ADGB: variants seen among roughly 807,000 people sequenced by gnomAD.
ADGB encodes androglobin.
A neutral mutation model predicts 210.5 loss-of-function variants in ADGB; 172 were observed. The observed-to-expected ratio is 0.82, with a 90% CI of 0.72 to 0.93. The LOEUF is 0.93. Among genes scored for constraint, ADGB ranks in the 40% least tolerant of loss-of-function variants. ADGB has a pLI of 0.00. For missense variants in ADGB, 2,025 were observed against 1,964.8 expected, an observed-to-expected ratio of 1.03 and a Z score of -0.58; for synonymous variants, 658 against 662.7, an observed-to-expected ratio of 0.99 and a Z score of 0.11.
rs538487742 is a variant in ADGB, at chr6:146,646,513, C to T, written c.330+1648C>T. On this transcript the variant is annotated intron_variant, in intron 3 of 35. Coordinates refer to ENST00000397944, the MANE Select transcript of ADGB (RefSeq NM_024694.4). ...TTTAAGTTTTATTGTGTTGAGCTAT[C>T]AGCTGTTTAGGCATCTGTGTGCCCA... is the stretch of plus-strand genomic sequence containing the variant. Among the ~76,000 whole-genome samples the T allele has an allele frequency of 7.9e-5, 12 of 152,192 alleles. No individual in the cohort carries two copies. In the South Asian group the frequency reaches 2.3e-3, roughly 29 times the overall value.
intron 35 of ADGB, among the ~76,000 whole-genome samples, chr6:146,809,022 G>T (rs1239336830): frequency 7.2e-6 from 1 of 138,032 alleles, no homozygotes; most frequent in Non-Finnish European, 1.5e-5. Flanking sequence ...GAAACAGGTG[G>T]TGAGAATGTG....
intron 29 of ADGB, among the ~76,000 whole-genome samples, chr6:146,772,308 C>T (rs1486011035): frequency 6.6e-6 from 1 of 151,276 alleles, no homozygotes; most frequent in African/African-American, 2.4e-5. Flanking sequence ...TAGTACAATG[C>T]TATTGACTAG....
At chr6:146,777,279 T>C (rs1238678105) in intron 29 of ADGB, among the ~76,000 whole-genome samples, 1 of 151,958 alleles carries the variant, frequency 6.6e-6, no homozygotes. Context: ...ATAACTTCTC[T>C]GAATATACCC....
chr6:146,599,081 T>C lies in ADGB; in HGVS notation c.41T>C (p.Ile14Thr). Reference sequence around the variant, plus strand: ...ACCAAAAAGAAAGAGGTGCATCGTATCAACTCGGCGCACGGATCGGATAAA... The same window carrying C: ...ACCAAAAAGAAAGAGGTGCATCGTACCAACTCGGCGCACGGATCGGATAAA... ...KQTKKKEVHR[I>T]NSAHGSDKSK... The change falls in exon 1 of 36, where the codon ATC becomes ACC. Residue 14 changes from isoleucine to threonine, a missense_variant. Physicochemically the swap from Ile to Thr is moderately conservative, Grantham distance 89. Transcript: ENST00000397944. The C allele has an allele frequency of 6.4e-7, 1 of 1,551,708 alleles. No homozygotes were observed.
chr6:146,675,519 G>A (rs902035457), intron 8 of ADGB, among the ~76,000 whole-genome samples: 1 of 151,738 alleles, frequency 6.6e-6, no homozygotes, highest in African/African-American at 2.4e-5. Flanking sequence ...TATTTTGGAT[G>A]TTCAGAAACA....
At chr6:146,733,660 T>G (rs1456857297) in intron 21 of ADGB, among the ~76,000 whole-genome samples, 1 of 152,214 alleles carries the variant, frequency 6.6e-6, no homozygotes, top group Non-Finnish European at 1.5e-5. Context: ...CTGGCTATAT[T>G]CACACAGGAA....
chr6:146,650,650 T>C (rs1418884537), intron 3 of ADGB, among the ~76,000 whole-genome samples: 1 of 145,260 alleles, frequency 6.9e-6, no homozygotes, highest in Non-Finnish European at 1.5e-5. Flanking sequence ...GGCCAGGATT[T>C]TGGAAATAGT....
chr6:146,620,771 C>G (rs1239038405), intron 1 of ADGB, among the ~76,000 whole-genome samples: 2 of 152,098 alleles, frequency 1.3e-5, no homozygotes, highest in Non-Finnish European at 2.9e-5. Flanking sequence ...TCTAAATACT[C>G]TGCCAGATCT....
At chr6:146,686,271 T>A (rs544593060) in intron 10 of ADGB, among the ~76,000 whole-genome samples, 1 of 152,202 alleles carries the variant, frequency 6.6e-6, no homozygotes. Flanking sequence ...TGACCTTTCT[T>A]GTATCACAAA....
intron 34 of ADGB, 76 bp downstream of exon 34, chr6:146,801,355 T>C: frequency 1.0e-6 from 1 of 964,534 alleles, no homozygotes; most frequent in African/African-American, 1.7e-5. Flanking sequence ...CTTAAATGTT[T>C]TCTGTAAAGA....
In ADGB at chr6:146,764,042, T is replaced by C; in HGVS notation, c.3692T>C (p.Val1231Ala). ...SAIQDIGLPL[V>A]EEETTSTPTR... Reference sequence around the variant, plus strand: ...ATACAAGACATTGGTCTACCCCTTGTGGAGGAGGAAACTACCAGTACACCC... The same window carrying C: ...ATACAAGACATTGGTCTACCCCTTGCGGAGGAGGAAACTACCAGTACACCC... Residue 1231 changes from valine (V) to alanine (A), a missense_variant, in exon 28 of 36, where the codon GTG becomes GCG. By Grantham distance (64) the Val-to-Ala change is moderately conservative. Coordinates refer to ENST00000397944, the MANE Select transcript of ADGB (RefSeq NM_024694.4). 1 of 1,551,354 alleles carries C rather than the reference T, an allele frequency of 6.4e-7. No individual in the cohort carries two copies. Among genetic ancestry groups the C allele is most frequent in the Non-Finnish European group, 8.7e-7 (1 of 1,146,786 alleles).
Position 146,673,294 on chromosome 6 carries a change from A to G in ADGB, c.1087+827A>G, listed in dbSNP as rs76232820. 1.8e-3 allele frequency among the ~76,000 whole-genome samples: 276 copies of G among 152,282 alleles called. 4 individuals carry two copies. The East Asian group carries it at 0.027, about 15-fold the overall frequency. On this transcript the variant is annotated intron_variant, in intron 8 of 35. Coordinates refer to ENST00000397944, the MANE Select transcript of ADGB (RefSeq NM_024694.4). The stretch of plus-strand genomic sequence containing the variant: ...GAGTGTGTCCCTTGCAGGTATCGTT[A>G]GGCTGTATCTTCAGCTATAAACATG...
At chr6:146,613,055 T>G (rs1780736222) in intron 1 of ADGB, among the ~76,000 whole-genome samples, 1 of 152,224 alleles carries the variant, frequency 6.6e-6, no homozygotes, top group Non-Finnish European at 1.5e-5. Context: ...GTTTTAAACT[T>G]TGTTATAAGC....
chr6:146,733,071 G>A, intron 20 of ADGB, 49 bp from the exon 21 acceptor site: 1 of 1,354,062 alleles, frequency 7.4e-7, no homozygotes, highest in Non-Finnish European at 9.7e-7. Flanking sequence ...GAGCTTCTCT[G>A]GCCAGATGAT....
At chr6:146,760,817 T>C (rs1013362716) in intron 27 of ADGB, among the ~76,000 whole-genome samples, 2 of 151,948 alleles carry the variant, frequency 1.3e-5, no homozygotes, top group African/African-American at 4.8e-5. Context: ...GTACTACTTC[T>C]TTGTAGTTTA....
chr6:146,665,982 G>A (rs1775932714), intron 6 of ADGB, among the ~76,000 whole-genome samples: 1 of 152,032 alleles, frequency 6.6e-6, no homozygotes, highest in South Asian at 2.1e-4. Flanking sequence ...TATCCCAATA[G>A]ACACTTATTA....
rs1423214480 is a variant in ADGB, at chr6:146,788,610, C to T, written c.4537C>T (p.Gln1513Ter). The T allele has an allele frequency of 5.8e-6, 9 of 1,550,064 alleles. No homozygotes were observed. Among genetic ancestry groups the T allele is most frequent in the South Asian group, 2.4e-5 (2 of 83,990 alleles). The change falls in exon 33 of 36, where the codon CAA becomes TAA. Residue 1513 changes from glutamine (Q) to a stop codon, truncating the protein, a stop_gained and splice_region_variant. Coordinates refer to ENST00000397944, the MANE Select transcript of ADGB (RefSeq NM_024694.4). LOFTEE classifies it high-confidence loss of function. ...GCAGAGCACACGGAAGGAAAACATT[C>T]GTAAGTATTGCTGTCATTGGTAACA... ...REQSTRKENIQTGPRTRSPTI... is the reference protein window; with the variant it reads ...REQSTRKENI
intron 33 of ADGB, among the ~76,000 whole-genome samples, chr6:146,791,885 G>A (rs1777960873): frequency 6.8e-6 from 1 of 146,788 alleles, no homozygotes; most frequent in African/African-American, 2.5e-5. Context: ...AGCTTCCTAA[G>A]TAGCTGAGAC....
chr6:146,786,853 T>A (rs1777882141), intron 32 of ADGB, among the ~76,000 whole-genome samples: 1 of 152,182 alleles, frequency 6.6e-6, no homozygotes, highest in Admixed American at 6.5e-5. Context: ...AATATTACAC[T>A]GAATACATTA....
Sources: gnomAD v4.1 joint callset for allele counts (sites outside exome capture counted in the v4.1 genomes callset) on GRCh38, gnomAD v4.1.1 for gene constraint, MANE v1.5 for transcripts, NCBI Gene and HGNC (gene_info 2026-07-23, HGNC 2026-07-21) for gene names.